PWWP3A: variants seen among roughly 807,000 people sequenced by gnomAD.
PWWP3A encodes PWWP domain containing 3A, DNA repair factor.
PWWP3A carries 53 observed loss-of-function variants against 79.0 expected under a neutral mutation model. The observed-to-expected ratio is 0.67, with a 90% CI of 0.54 to 0.84. PWWP3A has a LOEUF of 0.84. Among genes scored for constraint, PWWP3A ranks in the 40% least tolerant of loss-of-function variants. PWWP3A has a pLI of 0.00. For synonymous variants in PWWP3A, 443 were observed against 394.4 expected (o/e 1.12, Z -1.46); for missense variants, 973 against 948.0 (o/e 1.03, Z -0.35).
At chr19:1,355,571 C>G (rs2144680381) in intron 1 of PWWP3A, among the ~76,000 whole-genome samples, 1 of 143,336 alleles carries the variant, frequency 7.0e-6, no homozygotes, top group Non-Finnish European at 1.5e-5. Context: ...TCCCTGAGCC[C>G]CCCCGCTTCT....
chr19:1,367,713 G>A (rs750916265), intron 9 of PWWP3A, among the ~76,000 whole-genome samples: 17 of 152,220 alleles, frequency 1.1e-4, no homozygotes, highest in Non-Finnish European at 2.5e-4. Context: ...GTGGCTTCCT[G>A]CTCCCTGGAT....
chr19:1,373,248 C>T, intron 13 of PWWP3A, 88 bp downstream of exon 13: 1 of 1,168,126 alleles, frequency 8.6e-7, no homozygotes, highest in Non-Finnish European at 1.3e-6. Context: ...TGACTCCAGG[C>T]TGCCGCAGCC....
Position 1,374,411 on chromosome 19 carries a change from C to T in PWWP3A, c.2075+1251C>T, listed in dbSNP as rs1038316250. 18 of 152,346 alleles carry T rather than the reference C, an allele frequency of 1.2e-4. 1 individual carries two copies. The highest frequency in any genetic ancestry group is 1.0e-3 in the Admixed American group (16 of 15,298). 9.4% of individuals were successfully genotyped at this position (152,346 alleles called of 1,614,324 possible). On this transcript the variant is annotated intron_variant, in intron 13 of 13. Coordinates refer to ENST00000591337, the MANE Select transcript of PWWP3A (RefSeq NM_001369789.1). The stretch of plus-strand genomic sequence containing the variant: ...ACTTGATCTTTGGCCTCAGTGGAGC[C>T]TTGGGTCACACACTGGGCGTCCTGG...
chr19:1,375,890 C>CTG (rs1404992386), intron 13 of PWWP3A, among the ~76,000 whole-genome samples: 1 of 148,644 alleles, frequency 6.7e-6, no homozygotes, highest in African/African-American at 2.5e-5. Context: ...ACTGCAACCC[C>CTG]CCCACCGTGC....
At chr19:1,364,468 C>T (rs767322544) in intron 6 of PWWP3A, 41 bp from the exon 7 acceptor site, 5 of 1,480,048 alleles carry the variant, frequency 3.4e-6, no homozygotes, top group Non-Finnish European at 3.7e-6. Context: ...TTTGACTTGT[C>T]TATTCTTTTT....
chr19:1,364,205 G>A (rs771022519), intron 6 of PWWP3A: 3 of 571,710 alleles, frequency 5.2e-6, no homozygotes, highest in South Asian at 1.4e-5. Flanking sequence ...ATAGGACAGA[G>A]CCCCAGCCGC....
At chr19:1,365,088 C>T (rs1407632353) in intron 7 of PWWP3A, among the ~76,000 whole-genome samples, 2 of 152,158 alleles carry the variant, frequency 1.3e-5, no homozygotes, top group East Asian at 3.9e-4. Flanking sequence ...CCATTGTACT[C>T]CAGCCTGGGT....
chr19:1,362,056 C>T (rs1393638999), intron 5 of PWWP3A, 194 bp from the exon 6 acceptor site: 4 of 420,768 alleles, frequency 9.5e-6, no homozygotes, highest in East Asian at 7.9e-5. Flanking sequence ...TCCTTCCCTC[C>T]TTCCCTCTTG....
At chr19:1,356,183 A>C in intron 1 of PWWP3A, 141 bp from the exon 2 acceptor site, 1 of 571,470 alleles carries the variant, frequency 1.7e-6, no homozygotes, top group Non-Finnish European at 3.2e-6. Context: ...GCTTTTTGGC[A>C]TTGAGCATCT....
chr19:1,376,292 TTTGTTTTTTTTTTTGTTTG>T (rs1312967842), intron 13 of PWWP3A, among the ~76,000 whole-genome samples: 2 of 78,042 alleles, frequency 2.6e-5, no homozygotes, highest in East Asian at 2.4e-4. Context: ...CGCCCGGCTG[TTTGTTTTTTTTTTTGTTTG>T]TTTTTTTTTT....
rs2082197185 is a variant in PWWP3A, at chr19:1,369,209, C to T, written c.1423-56C>T. The T allele has an allele frequency of 3.2e-6, 5 of 1,571,340 alleles. No homozygotes were observed. The highest frequency in any genetic ancestry group is 4.4e-6 in the Non-Finnish European group (5 of 1,143,592). ...CCCTGGGCTCTGCGTGGCTTCTGAACCCAGGGTGCTTGGCACTGCCTCCCA... is the reference window on the plus strand; with the variant it reads ...CCCTGGGCTCTGCGTGGCTTCTGAATCCAGGGTGCTTGGCACTGCCTCCCA... On this transcript the variant is annotated intron_variant, in intron 9 of 13. Transcript: ENST00000591337. The surrounding 1 kb of genome is among the most constrained non-coding windows in gnomAD (Gnocchi z 4.0).
intron 5 of PWWP3A, among the ~76,000 whole-genome samples, chr19:1,361,283 G>A (rs1468926062): frequency 1.3e-5 from 2 of 152,222 alleles, no homozygotes; most frequent in African/African-American, 2.4e-5. Context: ...TGGGGAGCCC[G>A]TAGAGGGGCG....
chr19:1,360,508 G>T lies in PWWP3A; in HGVS notation c.587G>T (p.Gly196Val), dbSNP rs866858706. 1 of 1,614,242 alleles carries T rather than the reference G, an allele frequency of 6.2e-7. No individual in the cohort carries two copies. Among genetic ancestry groups the T allele is most frequent in the Non-Finnish European group, 8.5e-7 (1 of 1,180,050 alleles). The change falls in exon 5 of 14, where the codon GGT becomes GTT. Residue 196 changes from glycine (G) to valine (V), a missense_variant. Physicochemically the swap from Gly to Val is moderately radical, Grantham distance 109. Coordinates refer to ENST00000591337, the MANE Select transcript of PWWP3A (RefSeq NM_001369789.1). This position sits in a 1 kb window ranked among gnomAD's most constrained non-coding sequence, Gnocchi z 4.4. ...GGCCCGTTGGTCCTCCCAGCTGGAG[G>T]TGGTGCCCAAGATGAGAGTGGGTCC... ...PRGPLVLPAG[G>V]GAQDESGSRI...
At chr19:1,376,307 G>GT (rs1300598453) in intron 13 of PWWP3A, among the ~76,000 whole-genome samples, 1,381 of 70,362 alleles carry the variant, frequency 0.02, 74 homozygotes, top group African/African-American at 0.091. Context: ...TTTTTTTTTT[G>GT]TTTGTTTTTT....
intron 9 of PWWP3A, 73 bp downstream of exon 9, chr19:1,367,293 G>A: frequency 7.6e-7 from 1 of 1,309,016 alleles, no homozygotes; most frequent in African/African-American, 1.5e-5. Context: ...TCTGTGTGTA[G>A]CTCTTGAAAT....
At position 1,365,196 on chromosome 19, in the gene PWWP3A, C is replaced by T. The variant is rs563187853; in HGVS notation, c.1284+617C>T. Reference sequence around the variant, plus strand: ...TTGTGCATTTCACCCCATGAGAGCTCATTAATTTGGATTTTGTGGTGGGGT... The same window carrying T: ...TTGTGCATTTCACCCCATGAGAGCTTATTAATTTGGATTTTGTGGTGGGGT... On this transcript the variant is annotated intron_variant, in intron 7 of 13. Coordinates refer to ENST00000591337, the MANE Select transcript of PWWP3A (RefSeq NM_001369789.1). 1.1e-4 allele frequency among the ~76,000 whole-genome samples: 16 copies of T among 152,316 alleles called. No homozygotes were observed. In the East Asian group the frequency reaches 2.9e-3, roughly 28 times the overall value.
At chr19:1,374,329 C>T (rs577421667) in intron 13 of PWWP3A, 13 of 152,302 alleles carry the variant, frequency 8.5e-5, no homozygotes, top group Admixed American at 2.0e-4. Flanking sequence ...GCACACAGGC[C>T]GTGATTTCAT....
At position 1,377,902 on chromosome 19, in the gene PWWP3A, G is replaced by A. The variant is rs766106439; in HGVS notation, c.*1326G>A. 2.0e-5 allele frequency: 3 copies of A among 152,420 alleles called. No individual in the cohort carries two copies. Among genetic ancestry groups the A allele is most frequent in the Middle Eastern group, 3.4e-3 (1 of 296 alleles). 9.4% of individuals were successfully genotyped at this position (152,420 alleles called of 1,614,324 possible). On this transcript the variant is annotated 3_prime_UTR_variant, in exon 14 of 14. Transcript: ENST00000591337. ...ACGATTGTCTCAGATGCAGGGCGCT[G>A]TGCGGGACGAAGCCGCAAGGACTCT...
intron 13 of PWWP3A, among the ~76,000 whole-genome samples, chr19:1,375,498 AT>A (rs1400622594): frequency 8.7e-6 from 1 of 115,370 alleles, no homozygotes; most frequent in Non-Finnish European, 1.8e-5. Flanking sequence ...AAATATATAA[AT>A]TTTATATATA....
Sources: allele counts gnomAD v4.1 joint callset (sites outside exome capture counted in the v4.1 genomes callset), GRCh38; gene constraint gnomAD v4.1.1; non-coding constraint Gnocchi (gnomAD v3.1); transcripts MANE v1.5; gene names NCBI Gene and HGNC (gene_info 2026-07-23, HGNC 2026-07-21).